The following EEPD1 variants were observed in gnomAD, a reference collection of about 807,000 sequenced individuals.
EEPD1 encodes endonuclease/exonuclease/phosphatase family domain-containing protein 1.
A neutral mutation model predicts 46.3 loss-of-function variants in EEPD1; 17 were observed. The observed-to-expected ratio is 0.37, with a 90% CI of 0.25 to 0.55. The LOEUF (loss-of-function observed/expected upper bound fraction) is 0.55, where lower values mean the gene tolerates loss of function less well. Ranked by LOEUF, EEPD1 falls within the 20% of genes least tolerant of loss-of-function variation. EEPD1 has a pLI of 0.83. For missense variants in EEPD1, 673 were observed against 745.6 expected, an observed-to-expected ratio of 0.90 and a Z score of 1.13; for synonymous variants, 313 against 315.6, an observed-to-expected ratio of 0.99 and a Z score of 0.09.
At chr7:36,243,667 T>G (rs1008838420) in intron 3 of EEPD1, among the ~76,000 whole-genome samples, 1 of 152,144 alleles carries the variant, frequency 6.6e-6, no homozygotes, top group Non-Finnish European at 1.5e-5. Context: ...GCCATTTCCT[T>G]CACAAGTACT....
intron 6 of EEPD1, among the ~76,000 whole-genome samples, chr7:36,295,703 C>A (rs1488276810): frequency 6.6e-6 from 1 of 152,102 alleles, no homozygotes; most frequent in Admixed American, 6.6e-5. Context: ...TTAACAATGG[C>A]CATAGTTTTT....
At chr7:36,297,316 T>A in intron 7 of EEPD1, 129 bp downstream of exon 7, 1 of 1,036,046 alleles carries the variant, frequency 9.7e-7, no homozygotes, top group Non-Finnish European at 1.4e-6. Flanking sequence ...ACTGTATAAC[T>A]GTCATTTAAT....
chr7:36,231,035 A>G (rs576625143), intron 2 of EEPD1: 2 of 152,274 alleles, frequency 1.3e-5, no homozygotes, highest in African/African-American at 4.8e-5. Context: ...CTGGAAGCAT[A>G]AGTGTCTCTA....
intron 2 of EEPD1, among the ~76,000 whole-genome samples, chr7:36,235,336 A>C (rs1445931057): frequency 6.6e-6 from 1 of 152,270 alleles, no homozygotes; most frequent in Non-Finnish European, 1.5e-5. Flanking sequence ...GCAGTTCTCA[A>C]TTCTGTCACC....
chr7:36,243,229 A>T (rs1178967903), intron 3 of EEPD1, among the ~76,000 whole-genome samples: 2 of 151,906 alleles, frequency 1.3e-5, no homozygotes, highest in African/African-American at 2.4e-5. Flanking sequence ...AGTATCGTTT[A>T]TTATCACCAT....
intron 2 of EEPD1, among the ~76,000 whole-genome samples, chr7:36,181,069 A>G (rs919648245): frequency 6.6e-6 from 1 of 152,070 alleles, no homozygotes; most frequent in African/African-American, 2.4e-5. Flanking sequence ...AGGGCTGACC[A>G]TTGTAGGTAG....
intron 4 of EEPD1, among the ~76,000 whole-genome samples, chr7:36,284,136 G>A (rs1485309045): frequency 6.6e-6 from 1 of 152,202 alleles, no homozygotes; most frequent in Non-Finnish European, 1.5e-5. Context: ...GGGCCCTCGA[G>A]CAGCCCCAAG....
At chr7:36,245,580 C>T (rs1267341079) in intron 3 of EEPD1, among the ~76,000 whole-genome samples, 7 of 152,182 alleles carry the variant, frequency 4.6e-5, no homozygotes, top group African/African-American at 1.4e-4. Context: ...TTTCTCTTCT[C>T]TCCTAACGCT....
At chr7:36,181,727 A>G (rs1583792178) in intron 2 of EEPD1, among the ~76,000 whole-genome samples, 1 of 152,336 alleles carries the variant, frequency 6.6e-6, no homozygotes. Flanking sequence ...AGACCTCAGC[A>G]TCACGGAGCA....
chr7:36,160,622 A>C (rs1409877575), intron 2 of EEPD1, among the ~76,000 whole-genome samples: 1 of 146,934 alleles, frequency 6.8e-6, no homozygotes, highest in East Asian at 2.0e-4. Flanking sequence ...GAAGGTTAGA[A>C]GCAGAGGCTG....
chr7:36,162,835 C>G (rs781244569), intron 2 of EEPD1, among the ~76,000 whole-genome samples: 3 of 152,164 alleles, frequency 2.0e-5, no homozygotes, highest in Non-Finnish European at 4.4e-5. Flanking sequence ...CTGCTGTATA[C>G]TCCTGAAATG....
intron 4 of EEPD1, among the ~76,000 whole-genome samples, chr7:36,282,919 A>G (rs1420902473): frequency 2.0e-5 from 3 of 152,234 alleles, no homozygotes; most frequent in Admixed American, 1.3e-4. Flanking sequence ...AAATTTAAAC[A>G]CTATGTGAAT....
intron 2 of EEPD1, among the ~76,000 whole-genome samples, chr7:36,167,641 A>C (rs913214477): frequency 1.3e-4 from 20 of 152,054 alleles, no homozygotes; most frequent in African/African-American, 4.8e-4. Context: ...TTGATGCATA[A>C]GTTTGCCAAA....
In EEPD1 at chr7:36,154,179, C is replaced by T; in HGVS notation, c.-146C>T. On this transcript the variant is annotated 5_prime_UTR_variant, in exon 2 of 8. Coordinates refer to ENST00000242108, the MANE Select transcript of EEPD1 (RefSeq NM_030636.3). The surrounding 1 kb of genome is among the most constrained non-coding windows in gnomAD (Gnocchi z 4.2). ...TTGGACACGCCAGGCATGGAAGATT[C>T]GGTGTTTGTCTATAGTAACCTCTTC... is the stretch of plus-strand genomic sequence containing the variant. The T allele has an allele frequency of 1.0e-6, 1 of 974,748 alleles. No homozygotes were observed. Among genetic ancestry groups the T allele is most frequent in the South Asian group, 1.8e-5 (1 of 56,684 alleles). 60.4% of individuals were successfully genotyped at this position (974,748 alleles called of 1,614,324 possible). A position where few individuals can be genotyped will look rare whatever the true frequency, so the allele number is the denominator to read the frequency against.
intron 2 of EEPD1, among the ~76,000 whole-genome samples, chr7:36,206,314 G>C (rs578030177): frequency 1.3e-5 from 2 of 151,172 alleles, no homozygotes; most frequent in African/African-American, 4.8e-5. Flanking sequence ...TTTTAAAAAG[G>C]CAAGAAGAAA....
chr7:36,237,878 G>T (rs1786485544), intron 2 of EEPD1, among the ~76,000 whole-genome samples: 1 of 152,224 alleles, frequency 6.6e-6, no homozygotes, highest in Non-Finnish European at 1.5e-5. Context: ...TTGAACTCGG[G>T]AGGTGAAGGT....
chr7:36,298,957 A>G, intron 7 of EEPD1, 50 bp from the exon 8 acceptor site: 2 of 1,594,052 alleles, frequency 1.3e-6, no homozygotes. Flanking sequence ...GACCTCCCGC[A>G]CCCAACCCCC....
intron 2 of EEPD1, among the ~76,000 whole-genome samples, chr7:36,196,373 G>GTCTCCCGTCTCCCTCTCCCA (rs1785585184): frequency 6.6e-6 from 1 of 151,526 alleles, no homozygotes; most frequent in African/African-American, 2.4e-5. Flanking sequence ...CTTTCAGCTC[G>GTCTCCCGTCTCCCTCTCCCA]TCTCCCGTCT....
chr7:36,198,355 AAAAG>A (rs1203216034), intron 2 of EEPD1, among the ~76,000 whole-genome samples: 32 of 109,340 alleles, frequency 2.9e-4, no homozygotes, highest in African/African-American at 5.1e-4. Flanking sequence ...AAAAAAAAAA[AAAAG>A]AAAGATATTT....
Sources: allele counts gnomAD v4.1 joint callset (sites outside exome capture counted in the v4.1 genomes callset), GRCh38; gene constraint gnomAD v4.1.1; non-coding constraint Gnocchi (gnomAD v3.1); transcripts MANE v1.5; gene names NCBI Gene and HGNC (gene_info 2026-07-23, HGNC 2026-07-21).